Variants in KLHL29 observed in about 807,000 individuals in gnomAD.
KLHL29 encodes kelch-like protein 29.
Under a neutral mutation model 80.4 loss-of-function variants are expected in KLHL29, and 21 were observed. That is an observed-to-expected ratio of 0.26 (90% CI 0.19 to 0.38). KLHL29 has a LOEUF of 0.38. Ranked by LOEUF, KLHL29 falls within the 10% of genes least tolerant of loss-of-function variation. The pLI, the probability that KLHL29 is intolerant of heterozygous loss-of-function variation, is 1.00. For missense variants in KLHL29, 867 were observed against 1,223.9 expected (o/e 0.71, Z 4.35); for synonymous variants, 511 against 526.8 (o/e 0.97, Z 0.41).
At chr2:23,571,621 G>A (rs1023796302) in intron 3 of KLHL29, among the ~76,000 whole-genome samples, 5 of 152,150 alleles carry the variant, frequency 3.3e-5, no homozygotes, top group African/African-American at 1.2e-4. Flanking sequence ...TCTGGAAAAG[G>A]TTTCCTTGCT....
intron 2 of KLHL29, among the ~76,000 whole-genome samples, chr2:23,556,053 C>G (rs1478040420): frequency 6.6e-6 from 1 of 152,206 alleles, no homozygotes; most frequent in Non-Finnish European, 1.5e-5. Context: ...GTCAGGAGCT[C>G]CCAGTGACGT....
At chr2:23,698,497 TG>T in intron 11 of KLHL29, among the ~76,000 whole-genome samples, 1 of 152,320 alleles carries the variant, frequency 6.6e-6, no homozygotes, top group East Asian at 1.9e-4. Context: ...GAGGGGGCTT[TG>T]TTCCCCAGGA....
At chr2:23,386,178 C>T (rs1270914014) in intron 1 of KLHL29, among the ~76,000 whole-genome samples, 2 of 152,036 alleles carry the variant, frequency 1.3e-5, no homozygotes, top group African/African-American at 4.8e-5. Context: ...GCCCAGGGCC[C>T]CGGCCGGGCA....
chr2:23,504,439 AGG>A (rs1228397448), intron 2 of KLHL29, among the ~76,000 whole-genome samples: 2 of 152,172 alleles, frequency 1.3e-5, no homozygotes, highest in African/African-American at 4.8e-5. Flanking sequence ...ATGGGGTCAG[AGG>A]CCTGGAGCTT....
At chr2:23,590,094 G>C (rs1048976815) in intron 3 of KLHL29, among the ~76,000 whole-genome samples, 3 of 152,228 alleles carry the variant, frequency 2.0e-5, no homozygotes, top group South Asian at 4.1e-4. Flanking sequence ...AAAAGCAGAG[G>C]CCTAGAGAGG....
intron 3 of KLHL29, among the ~76,000 whole-genome samples, chr2:23,625,610 C>T (rs1001763122): frequency 2.6e-5 from 4 of 152,192 alleles, no homozygotes; most frequent in East Asian, 3.8e-4. Context: ...TGGGGTCTAG[C>T]GGGCAAGATG....
chr2:23,537,417 TACACACACACACACACACAC>T (rs5741924), intron 2 of KLHL29, among the ~76,000 whole-genome samples: 12 of 149,048 alleles, frequency 8.1e-5, no homozygotes, highest in East Asian at 4.0e-4. Flanking sequence ...GGGCAGAAAC[TACACACACACACACACACAC>T]ACACACACAC....
intron 11 of KLHL29, among the ~76,000 whole-genome samples, chr2:23,699,349 G>GCACT (rs1672209315): frequency 6.6e-6 from 1 of 152,182 alleles, no homozygotes; most frequent in Admixed American, 6.5e-5. Context: ...TTGCGTCCAG[G>GCACT]CACTCACCGA....
intron 5 of KLHL29, among the ~76,000 whole-genome samples, chr2:23,671,352 C>T (rs532607736): frequency 9.2e-5 from 14 of 152,192 alleles, no homozygotes; most frequent in Admixed American, 8.5e-4. Context: ...CTTTCCACTC[C>T]TTCTCTGAGC....
chr2:23,397,100 G>T (rs1288014672), intron 1 of KLHL29, among the ~76,000 whole-genome samples: 1 of 152,180 alleles, frequency 6.6e-6, no homozygotes, highest in East Asian at 1.9e-4. Flanking sequence ...TCTGAGACCT[G>T]GAAGGTACCT....
rs185816226 is a variant in KLHL29 at position 23,465,930 on chromosome 2, G to C, written c.-153-9630G>C. On this transcript the variant is annotated intron_variant, in intron 1 of 13. Transcript: ENST00000486442. ...TATTTCTGCTTGTGGGTGTGTGATG[G>C]GGCAGGTGCCAATCCCGCCACCTTC... is the stretch of plus-strand genomic sequence containing the variant. Among the ~76,000 whole-genome samples the C allele has an allele frequency of 3.6e-4, 55 of 152,002 alleles. No individual in the cohort carries two copies. In the East Asian group the frequency reaches 0.01, roughly 28 times the overall value.
intron 1 of KLHL29, among the ~76,000 whole-genome samples, chr2:23,469,124 T>A (rs756641029): frequency 1.3e-5 from 2 of 151,982 alleles, no homozygotes; most frequent in African/African-American, 4.8e-5. Context: ...GTCCCAGGAG[T>A]GTCAGGGAGA....
chr2:23,464,141 T>C (rs1664286953), intron 1 of KLHL29, among the ~76,000 whole-genome samples: 1 of 152,200 alleles, frequency 6.6e-6, no homozygotes. Flanking sequence ...AGTGATTACA[T>C]GGGGGTGGAG....
At chr2:23,507,572 C>T (rs1009626048) in intron 2 of KLHL29, among the ~76,000 whole-genome samples, 3 of 152,206 alleles carry the variant, frequency 2.0e-5, no homozygotes, top group Non-Finnish European at 4.4e-5. Context: ...TCGGCAGAGG[C>T]TACATTCTTG....
At chr2:23,671,456 C>G (rs539842406) in intron 5 of KLHL29, among the ~76,000 whole-genome samples, 45 of 152,118 alleles carry the variant, frequency 3.0e-4, no homozygotes, top group Non-Finnish European at 4.9e-4. Context: ...CACAACAAAG[C>G]GAGGTTTCAT....
intron 1 of KLHL29, among the ~76,000 whole-genome samples, chr2:23,401,923 C>T (rs566075489): frequency 2.4e-4 from 37 of 152,340 alleles, no homozygotes; most frequent in South Asian, 1.5e-3. Flanking sequence ...CGTGGGAGTC[C>T]CCAGCTGACT....
Position 23,684,641 on chromosome 2 carries a change from G to A in KLHL29, c.1079+104G>A. The A allele has an allele frequency of 9.9e-7, 1 of 1,006,788 alleles. No homozygotes were observed. Among genetic ancestry groups the A allele is most frequent in the Non-Finnish European group, 1.4e-6 (1 of 713,354 alleles). The allele number at this position is 1,006,788 out of a possible 1,614,324, so 62.4% of individuals were successfully genotyped here. ...GCAGGTTCCTGAAGCGTGACTCCCTGTCACAGAGCCAGTAGCCATCTCTCC... is the reference window on the plus strand; with the variant it reads ...GCAGGTTCCTGAAGCGTGACTCCCTATCACAGAGCCAGTAGCCATCTCTCC... On this transcript the variant is annotated intron_variant, in intron 6 of 13. Transcript: ENST00000486442. The surrounding 1 kb of genome is among the most constrained non-coding windows in gnomAD (Gnocchi z 4.4).
intron 2 of KLHL29, among the ~76,000 whole-genome samples, chr2:23,480,424 T>C (rs370770151): frequency 9.9e-5 from 15 of 151,986 alleles, no homozygotes; most frequent in African/African-American, 2.7e-4. Context: ...GAGGTGGAGG[T>C]TGCAGTGAGC....
chr2:23,471,867 C>T (rs959850521), intron 1 of KLHL29, among the ~76,000 whole-genome samples: 15 of 152,054 alleles, frequency 9.9e-5, no homozygotes, highest in African/African-American at 2.4e-4. Context: ...TCTTTGGAAA[C>T]GTTAAGATTT....
Sources: allele counts gnomAD v4.1 joint callset (sites outside exome capture counted in the v4.1 genomes callset), GRCh38; gene constraint gnomAD v4.1.1; non-coding constraint Gnocchi (gnomAD v3.1); transcripts MANE v1.5; gene names NCBI Gene and HGNC (gene_info 2026-07-23, HGNC 2026-07-21).